The following CCSER1 variants were observed in gnomAD, a reference collection of about 807,000 sequenced individuals.
The protein encoded by CCSER1 is serine-rich coiled-coil domain-containing protein 1.
A neutral mutation model predicts 82.0 loss-of-function variants in CCSER1; 41 were observed. The observed-to-expected ratio is 0.50, with a 90% CI of 0.39 to 0.65. CCSER1 has a LOEUF of 0.65. Among genes scored for constraint, CCSER1 ranks in the 30% least tolerant of loss-of-function variants. The pLI is 0.00. For synonymous variants in CCSER1, 414 were observed against 383.9 expected (o/e 1.08, Z -0.92); for missense variants, 1,119 against 1,064.2 (o/e 1.05, Z -0.72).
At chr4:90,611,556 T>C (rs1192831899) in intron 5 of CCSER1, among the ~76,000 whole-genome samples, 1 of 133,768 alleles carries the variant, frequency 7.5e-6, no homozygotes, top group African/African-American at 3.3e-5. Context: ...CTGAAACACA[T>C]TTTTTTTTTT....
At chr4:90,704,317 C>T (rs1738823654) in intron 6 of CCSER1, among the ~76,000 whole-genome samples, 1 of 152,166 alleles carries the variant, frequency 6.6e-6, no homozygotes, top group Non-Finnish European at 1.5e-5. Context: ...TCTCTTCTGG[C>T]ATGTAGAGTT....
intron 1 of CCSER1, among the ~76,000 whole-genome samples, chr4:90,284,169 T>A (rs1729401718): frequency 2.0e-5 from 3 of 152,060 alleles, no homozygotes; most frequent in African/African-American, 7.2e-5. Flanking sequence ...ATTATTTTTC[T>A]TATTACATTT....
chr4:90,958,524 G>A (rs957085862), intron 9 of CCSER1, among the ~76,000 whole-genome samples: 3 of 151,832 alleles, frequency 2.0e-5, no homozygotes, highest in Non-Finnish European at 4.4e-5. Flanking sequence ...ACATTCTGGA[G>A]CAGGCTGTGT....
At chr4:91,444,767 A>G (rs991216014) in intron 10 of CCSER1, among the ~76,000 whole-genome samples, 7 of 152,220 alleles carry the variant, frequency 4.6e-5, no homozygotes, top group Non-Finnish European at 7.3e-5. Flanking sequence ...TCTTCAAGCT[A>G]ATGGACCACT....
At chr4:90,998,388 A>T (rs534224069) in intron 9 of CCSER1, among the ~76,000 whole-genome samples, 2 of 152,276 alleles carry the variant, frequency 1.3e-5, no homozygotes, top group African/African-American at 2.4e-5. Flanking sequence ...CCTAATTTTT[A>T]AAATAATCAG....
intron 10 of CCSER1, among the ~76,000 whole-genome samples, chr4:91,537,138 A>G (rs1351527584): frequency 6.6e-6 from 1 of 152,088 alleles, no homozygotes. Flanking sequence ...AAAAGGCTCG[A>G]ACACATTAGT....
intron 7 of CCSER1, among the ~76,000 whole-genome samples, chr4:90,779,293 T>C (rs1455076206): frequency 6.6e-6 from 1 of 152,192 alleles, no homozygotes; most frequent in Non-Finnish European, 1.5e-5. Context: ...TTCCTCTTTT[T>C]CTGTGGTAAA....
intron 5 of CCSER1, among the ~76,000 whole-genome samples, chr4:90,559,135 G>C (rs936493864): frequency 1.3e-5 from 2 of 152,130 alleles, no homozygotes; most frequent in African/African-American, 4.8e-5. Flanking sequence ...GCCACTATCT[G>C]ATTTGTATAT....
chr4:91,297,233 GT>G (rs1744252503), intron 10 of CCSER1, among the ~76,000 whole-genome samples: 1 of 151,652 alleles, frequency 6.6e-6, no homozygotes, highest in African/African-American at 2.4e-5. Flanking sequence ...CTTATGTTAT[GT>G]TTGTAAAAAA....
At chr4:91,443,131 C>G (rs1044665314) in intron 10 of CCSER1, among the ~76,000 whole-genome samples, 2 of 151,910 alleles carry the variant, frequency 1.3e-5, no homozygotes, top group Admixed American at 6.6e-5. Context: ...GGGTATATAC[C>G]CAAAGGACTA....
At chr4:90,467,002 G>A (rs545227314) in intron 4 of CCSER1, among the ~76,000 whole-genome samples, 5 of 152,266 alleles carry the variant, frequency 3.3e-5, no homozygotes, top group African/African-American at 1.2e-4. Flanking sequence ...ATTCACCAGT[G>A]GAAAGCCACA....
At chr4:90,970,354 C>A (rs1455767097) in intron 9 of CCSER1, among the ~76,000 whole-genome samples, 1 of 151,458 alleles carries the variant, frequency 6.6e-6, no homozygotes, top group Non-Finnish European at 1.5e-5. Flanking sequence ...TCACAAAAAA[C>A]CAAGAATGTC....
chr4:91,201,950 A>G (rs1012880411), intron 10 of CCSER1, among the ~76,000 whole-genome samples: 2 of 152,032 alleles, frequency 1.3e-5, no homozygotes, highest in East Asian at 3.9e-4. Flanking sequence ...TTTTAATGAT[A>G]CATTACACTC....
At chr4:91,418,805 A>G (rs1323043616) in intron 10 of CCSER1, among the ~76,000 whole-genome samples, 1 of 151,996 alleles carries the variant, frequency 6.6e-6, no homozygotes, top group Non-Finnish European at 1.5e-5. Flanking sequence ...AGAAAATTAC[A>G]GGCCAATATC....
intron 10 of CCSER1, among the ~76,000 whole-genome samples, chr4:91,415,790 T>C (rs889216635): frequency 6.6e-6 from 1 of 152,172 alleles, no homozygotes; most frequent in Non-Finnish European, 1.5e-5. Context: ...CTTTCTGATG[T>C]GCTGCTGGAT....
chr4:90,348,421 T>C (rs756091946), intron 3 of CCSER1, among the ~76,000 whole-genome samples: 1 of 152,218 alleles, frequency 6.6e-6, no homozygotes, highest in Non-Finnish European at 1.5e-5. Context: ...CATAAAACCA[T>C]ATTATTCAAT....
chr4:90,834,487 TAATTC>T (rs1761533700), intron 8 of CCSER1, among the ~76,000 whole-genome samples: 2 of 152,158 alleles, frequency 1.3e-5, no homozygotes, highest in Admixed American at 6.5e-5. Context: ...AAAAAAATAA[TAATTC>T]TATTCTAAGA....
chr4:91,591,762 T>C (rs1764281577), intron 10 of CCSER1, among the ~76,000 whole-genome samples: 1 of 152,200 alleles, frequency 6.6e-6, no homozygotes, highest in South Asian at 2.1e-4. Context: ...CAAAGATGTA[T>C]GTACCCACCA....
intron 10 of CCSER1, among the ~76,000 whole-genome samples, chr4:91,517,759 T>G (rs1369371739): frequency 7.4e-6 from 1 of 135,720 alleles, no homozygotes; most frequent in African/African-American, 2.7e-5. Flanking sequence ...TGTGTGTGTG[T>G]GTGTGTGTGT....
Sources: allele counts gnomAD v4.1 joint callset (sites outside exome capture counted in the v4.1 genomes callset), GRCh38; gene constraint gnomAD v4.1.1; transcripts MANE v1.5; gene names NCBI Gene and HGNC (gene_info 2026-07-23, HGNC 2026-07-21).